SEMA3C: variants seen among roughly 807,000 people sequenced by gnomAD.
SEMA3C encodes the protein semaphorin 3C, also known as semaphorin-3C.
SEMA3C carries 47 observed loss-of-function variants against 89.4 expected under a neutral mutation model. That is an observed-to-expected ratio of 0.53 (90% CI 0.42 to 0.67). SEMA3C has a LOEUF of 0.67. SEMA3C is among the 30% of genes least tolerant of loss of function. The probability of loss-of-function intolerance (pLI) is 0.00; values close to 1 mark genes in which losing one functional copy is unlikely to be tolerated. For missense variants in SEMA3C, 839 were observed against 929.1 expected, an observed-to-expected ratio of 0.90 and a Z score of 1.26; for synonymous variants, 310 against 320.2, an observed-to-expected ratio of 0.97 and a Z score of 0.34.
chr7:80,887,610 A>T (rs1414641707), intron 2 of SEMA3C, among the ~76,000 whole-genome samples: 1 of 152,226 alleles, frequency 6.6e-6, no homozygotes, highest in African/African-American at 2.4e-5. Context: ...ATTACCATCT[A>T]TCTGTCAAAC....
intron 2 of SEMA3C, among the ~76,000 whole-genome samples, chr7:80,877,706 A>G (rs1268226486): frequency 2.0e-5 from 3 of 152,242 alleles, no homozygotes; most frequent in Non-Finnish European, 4.4e-5. Context: ...TAGTGACCAT[A>G]TAATTCAATA....
At chr7:80,894,059 CT>C (rs1442916004) in intron 2 of SEMA3C, among the ~76,000 whole-genome samples, 2 of 152,150 alleles carry the variant, frequency 1.3e-5, no homozygotes, top group Admixed American at 6.6e-5. Context: ...GATAAACAAT[CT>C]ACTTTGCCAT....
At chr7:80,825,401 G>T (rs1789848702) in intron 4 of SEMA3C, among the ~76,000 whole-genome samples, 1 of 152,142 alleles carries the variant, frequency 6.6e-6, no homozygotes, top group African/African-American at 2.4e-5. Flanking sequence ...TTTCCCTTGT[G>T]TATAACTGGC....
chr7:80,905,715 A>T, intron 2 of SEMA3C: 1 of 483,450 alleles, frequency 2.1e-6, no homozygotes, highest in Non-Finnish European at 3.9e-6. Context: ...AAACTAGTTT[A>T]AGATAATTTT....
intron 2 of SEMA3C, 49 bp downstream of exon 2, chr7:80,916,630 A>G (rs750797898): frequency 1.3e-6 from 2 of 1,542,358 alleles, no homozygotes; most frequent in East Asian, 2.3e-5. Context: ...AAGGAAGATA[A>G]CAAAACTTAA....
intron 13 of SEMA3C, 144 bp downstream of exon 13, chr7:80,765,011 A>C (rs1788264593): frequency 1.9e-6 from 1 of 532,894 alleles, no homozygotes; most frequent in South Asian, 3.2e-5. Flanking sequence ...TTCTTATTTT[A>C]TCTGGTGTTT....
chr7:80,814,599 T>C (rs550583541), intron 5 of SEMA3C, among the ~76,000 whole-genome samples: 7 of 152,232 alleles, frequency 4.6e-5, no homozygotes, highest in Non-Finnish European at 7.4e-5. Flanking sequence ...TTTAACGGCC[T>C]ACTTGATATC....
intron 11 of SEMA3C, among the ~76,000 whole-genome samples, chr7:80,791,451 G>C (rs1005834084): frequency 2.6e-5 from 4 of 152,144 alleles, no homozygotes; most frequent in Admixed American, 6.5e-5. Flanking sequence ...GCACTATCGT[G>C]TTGGTTTTCA....
intron 2 of SEMA3C, among the ~76,000 whole-genome samples, chr7:80,878,876 T>C (rs1224163894): frequency 6.6e-6 from 1 of 151,788 alleles, no homozygotes; most frequent in Non-Finnish European, 1.5e-5. Context: ...TTCAAAAATA[T>C]TAGAAAAAAA....
intron 12 of SEMA3C, among the ~76,000 whole-genome samples, chr7:80,783,594 TC>T (rs1270097861): frequency 1.3e-5 from 2 of 152,206 alleles, no homozygotes; most frequent in East Asian, 3.9e-4. Flanking sequence ...GTTTCTGAAC[TC>T]ACATGCACTG....
intron 2 of SEMA3C, among the ~76,000 whole-genome samples, chr7:80,853,670 G>T (rs74454966): frequency 0.058 from 8,861 of 152,166 alleles, 737 homozygotes; most frequent in East Asian, 0.34. Flanking sequence ...CTGATGGGCA[G>T]AAAAATACAG....
chr7:80,824,809 G>A (rs1789833529), intron 4 of SEMA3C, among the ~76,000 whole-genome samples: 1 of 152,080 alleles, frequency 6.6e-6, no homozygotes, highest in Non-Finnish European at 1.5e-5. Context: ...AATACAGGTG[G>A]TGACAATAAT....
At chr7:80,918,278 T>G (rs1562985962) in intron 1 of SEMA3C, 1 of 152,232 alleles carries the variant, frequency 6.6e-6, no homozygotes, top group East Asian at 1.9e-4. Flanking sequence ...TTTACACATT[T>G]TTTTTACATA....
chr7:80,745,831 G>C (rs956553213), intron 17 of SEMA3C, among the ~76,000 whole-genome samples: 1 of 152,022 alleles, frequency 6.6e-6, no homozygotes, highest in African/African-American at 2.4e-5. Context: ...AGCAGAGGTA[G>C]AATTTTGAAC....
chr7:80,891,518 A>C (rs1791612938), intron 2 of SEMA3C, among the ~76,000 whole-genome samples: 1 of 152,128 alleles, frequency 6.6e-6, no homozygotes, highest in Non-Finnish European at 1.5e-5. Context: ...AGGAATCAGA[A>C]TGGTAACAAA....
At chr7:80,859,559 A>T (rs1182207448) in intron 2 of SEMA3C, among the ~76,000 whole-genome samples, 2 of 152,214 alleles carry the variant, frequency 1.3e-5, no homozygotes, top group African/African-American at 4.8e-5. Flanking sequence ...ACAACTGCAT[A>T]AACTGAATTC....
intron 15 of SEMA3C, among the ~76,000 whole-genome samples, 192 bp downstream of exon 15, chr7:80,758,139 T>C (rs1489219233): frequency 6.6e-6 from 1 of 152,196 alleles, no homozygotes; most frequent in African/African-American, 2.4e-5. Flanking sequence ...GGATTTACCA[T>C]ATCTGTGAGA....
chr7:80,755,949 A>G (rs536914871), intron 15 of SEMA3C, among the ~76,000 whole-genome samples: 6 of 152,222 alleles, frequency 3.9e-5, no homozygotes, highest in Admixed American at 1.3e-4. Context: ...TAGCGCCCAA[A>G]TTAACATGGA....
intron 2 of SEMA3C, among the ~76,000 whole-genome samples, chr7:80,849,274 C>A (rs1008184337): frequency 1.5e-4 from 22 of 151,022 alleles, no homozygotes; most frequent in Admixed American, 1.1e-3. Context: ...AATTTCAAAC[C>A]CAACAAGTAG....
Sources: gnomAD v4.1 joint callset for allele counts (sites outside exome capture counted in the v4.1 genomes callset) on GRCh38, gnomAD v4.1.1 for gene constraint, MANE v1.5 for transcripts, NCBI Gene and HGNC (gene_info 2026-07-23, HGNC 2026-07-21) for gene names.